TAF15: variants seen among roughly 807,000 people sequenced by gnomAD.
TAF15 encodes TATA-box binding protein associated factor 15.
Under a neutral mutation model 102.5 loss-of-function variants are expected in TAF15, and 37 were observed. The ratio of observed to expected loss-of-function variants is 0.36; its 90% confidence interval spans 0.28 to 0.47. The LOEUF is 0.47. TAF15 is among the 20% of genes least tolerant of loss of function. The pLI is 0.99. For missense variants in TAF15, 652 were observed against 760.7 expected, an observed-to-expected ratio of 0.86 and a Z score of 1.68; for synonymous variants, 273 against 259.2, an observed-to-expected ratio of 1.05 and a Z score of -0.51.
At position 35,820,162 on chromosome 17, in the gene TAF15, A is replaced by G; in HGVS notation, c.100-2A>G. ...AAACTTGAGTATTTACCTAAATTTC[A>G]GAGCTATTCTGGCTATGGGCAAACG... On this transcript the variant is annotated splice_acceptor_variant, in intron 3 of 15. Coordinates refer to ENST00000605844, the MANE Select transcript of TAF15 (RefSeq NM_139215.3). LOFTEE classifies it high-confidence loss of function. 6.2e-7 allele frequency: 1 copy of G among 1,614,128 alleles called. No individual in the cohort carries two copies. Among genetic ancestry groups the G allele is most frequent in the Non-Finnish European group, 8.5e-7 (1 of 1,179,964 alleles).
chr17:35,826,589 G>A (rs529763124), intron 7 of TAF15, among the ~76,000 whole-genome samples: 4 of 143,894 alleles, frequency 2.8e-5, no homozygotes, highest in African/African-American at 1.0e-4. Context: ...ATGGAGTCTC[G>A]CTCTGTTGCC....
Position 35,838,444 on chromosome 17 carries a change from A to G in TAF15, c.804A>G (p.Lys268=), listed in dbSNP as rs554542392. 11 of 1,614,190 alleles carry G rather than the reference A, an allele frequency of 6.8e-6. No individual in the cohort carries two copies. In the South Asian group the frequency reaches 1.2e-4, roughly 18 times the overall value. ...GIIKTNKKTG[K]PMINLYTDKD... is the part of the protein sequence containing the mutation. ...CTCAGACAAATAAGAAGACCGGAAA[A>G]CCAATGATAAATCTTTATACAGACA... The change falls in exon 11 of 16, where the codon AAA becomes AAG. Residue 268 remains lysine, a synonymous_variant. Transcript: ENST00000605844.
At chr17:35,817,777 A>G in intron 2 of TAF15, 22 bp downstream of exon 2, 1 of 1,609,530 alleles carries the variant, frequency 6.2e-7, no homozygotes, top group Non-Finnish European at 8.5e-7. Flanking sequence ...ATACATTTTA[A>G]TAATATGAAA....
Position 35,820,370 on chromosome 17 carries a change from C to G in TAF15, c.223C>G (p.Gln75Glu), listed in dbSNP as rs2087244627. The G allele has an allele frequency of 3.7e-6, 6 of 1,613,934 alleles. No individual in the cohort carries two copies. In the African/African-American group the frequency reaches 4.0e-5, roughly 11 times the overall value. ...CTATGGTGGTTATGAGAATCAAAAG[C>G]AGAGCTCATATAGCCAGCAACCATA... ...QSYGGYENQK[Q>E]SSYSQQPYNN... Residue 75 changes from glutamine to glutamate, a missense_variant, in exon 5 of 16, where the codon CAG (glutamine) becomes GAG (glutamate). This residue lies in a region of TAF15 where 243 missense variants were observed against 284.1 expected (regional missense o/e 0.86). Coordinates refer to ENST00000605844, the MANE Select transcript of TAF15 (RefSeq NM_139215.3).
chr17:35,837,917 C>T (rs1323617885), intron 10 of TAF15, among the ~76,000 whole-genome samples: 2 of 151,988 alleles, frequency 1.3e-5, no homozygotes, highest in Non-Finnish European at 2.9e-5. Flanking sequence ...TGGCTGATTC[C>T]TGTAATCAGC....
At chr17:35,841,749 A>G (rs1280680912) in intron 11 of TAF15, among the ~76,000 whole-genome samples, 1 of 147,070 alleles carries the variant, frequency 6.8e-6, no homozygotes, top group East Asian at 2.0e-4. Flanking sequence ...CCAGGCTAGT[A>G]CACAGTGGCA....
chr17:35,840,934 T>C (rs1474839996), intron 11 of TAF15, among the ~76,000 whole-genome samples: 1 of 152,216 alleles, frequency 6.6e-6, no homozygotes, highest in East Asian at 1.9e-4. Flanking sequence ...TAGACTAATT[T>C]GTCAGACTTC....
chr17:35,820,027 T>C lies in TAF15; in HGVS notation c.51T>C (p.Tyr17=). ...YGQSGGEQQS[Y]STYGNPGSQG... ...GTATTAAATTTTTCTTTTGCAGTTA[T>C]TCTACCTATGGAAATCCAGGCAGCC... The change falls in exon 3 of 16, where the codon TAT becomes TAC. Residue 17 remains tyrosine, a synonymous_variant. Coordinates refer to ENST00000605844, the MANE Select transcript of TAF15 (RefSeq NM_139215.3). 3 of 1,613,934 alleles carry C rather than the reference T, an allele frequency of 1.9e-6. No individual in the cohort carries two copies. Among genetic ancestry groups the C allele is most frequent in the East Asian group, 2.2e-5 (1 of 44,866 alleles).
chr17:35,824,239 CTCT>C, intron 7 of TAF15, 41 bp downstream of exon 7: 2 of 1,581,892 alleles, frequency 1.3e-6, no homozygotes, highest in Non-Finnish European at 1.7e-6. Context: ...CTTCTTCTTC[CTCT>C]TTTTTTTTTT....
intron 7 of TAF15, 27 bp from the exon 8 acceptor site, chr17:35,833,880 A>G: frequency 6.2e-7 from 1 of 1,613,396 alleles, no homozygotes; most frequent in South Asian, 1.1e-5. Flanking sequence ...TAAGGAAGAA[A>G]TCATTTCTTC....
At chr17:35,838,296 A>G in intron 10 of TAF15, 128 bp from the exon 11 acceptor site, 1 of 1,220,236 alleles carries the variant, frequency 8.2e-7, no homozygotes, top group South Asian at 1.4e-5. Context: ...GTAACTTATT[A>G]GGTGCATAGT....
chr17:35,832,508 G>A (rs2087419383), intron 7 of TAF15, among the ~76,000 whole-genome samples: 1 of 152,114 alleles, frequency 6.6e-6, no homozygotes, highest in African/African-American at 2.4e-5. Context: ...GCTCAGAAAA[G>A]CCATTTATAG....
chr17:35,815,314 TG>T (rs2087182415), intron 1 of TAF15, among the ~76,000 whole-genome samples: 1 of 152,224 alleles, frequency 6.6e-6, no homozygotes, highest in South Asian at 2.1e-4. Flanking sequence ...AATGAACAGT[TG>T]TTTAGGATGC....
chr17:35,811,204 C>T (rs573550106), intron 1 of TAF15: 3 of 152,212 alleles, frequency 2.0e-5, no homozygotes, highest in East Asian at 3.9e-4. Context: ...AAAACAATGG[C>T]TTCTGTGGAA....
chr17:35,815,270 G>A (rs1005656443), intron 1 of TAF15, among the ~76,000 whole-genome samples: 3 of 152,146 alleles, frequency 2.0e-5, no homozygotes, highest in Admixed American at 1.3e-4. Flanking sequence ...AAATTCGTAG[G>A]TCCAGACACA....
At chr17:35,831,870 C>T (rs1376608273) in intron 7 of TAF15, among the ~76,000 whole-genome samples, 1 of 151,706 alleles carries the variant, frequency 6.6e-6, no homozygotes, top group Non-Finnish European at 1.5e-5. Flanking sequence ...ATCACGAGGT[C>T]AGGAGATCGA....
chr17:35,810,973 A>G (rs1453252219), intron 1 of TAF15: 1 of 152,232 alleles, frequency 6.6e-6, no homozygotes, highest in Non-Finnish European at 1.5e-5. Flanking sequence ...ATTCCAAAGT[A>G]GACATTGGTA....
chr17:35,833,651 G>A, intron 7 of TAF15: 1 of 441,068 alleles, frequency 2.3e-6, no homozygotes, highest in Non-Finnish European at 4.1e-6. Flanking sequence ...TTGGCTTGGG[G>A]TTGGGAAGAT....
At chr17:35,835,919 C>A (rs985353527) in intron 9 of TAF15, among the ~76,000 whole-genome samples, 2 of 152,150 alleles carry the variant, frequency 1.3e-5, no homozygotes, top group African/African-American at 4.8e-5. Flanking sequence ...TGGACTTGAT[C>A]CACTTTACTT....
Sources: allele counts gnomAD v4.1 joint callset (sites outside exome capture counted in the v4.1 genomes callset), GRCh38; gene constraint gnomAD v4.1.1; regional missense constraint gnomAD v4.1.1; transcripts MANE v1.5; gene names NCBI Gene and HGNC (gene_info 2026-07-23, HGNC 2026-07-21).